Variants in TRHDE observed in about 807,000 individuals in gnomAD.
TRHDE encodes the protein thyrotropin releasing hormone degrading enzyme, also known as thyrotropin-releasing hormone-degrading ectoenzyme.
TRHDE carries 72 observed loss-of-function variants against 125.7 expected under a neutral mutation model. The ratio of observed to expected loss-of-function variants is 0.57; its 90% CI spans 0.47 to 0.70. TRHDE has a LOEUF of 0.70. Among genes scored for constraint, TRHDE ranks in the 30% least tolerant of loss-of-function variants. The probability of loss-of-function intolerance (pLI) is 0.00; values close to 1 mark genes in which losing one functional copy is unlikely to be tolerated. For synonymous variants in TRHDE, 509 were observed against 509.1 expected (o/e 1.00, Z 0.00); for missense variants, 1,110 against 1,327.1 (o/e 0.84, Z 2.54).
chr12:72,278,390 A>G lies in TRHDE; in HGVS notation c.914+4833A>G, dbSNP rs1274379383. Among the ~76,000 whole-genome samples the G allele has an allele frequency of 2.6e-5, 4 of 152,188 alleles. No individual in the cohort carries two copies. The South Asian group carries it at 8.3e-4, about 32-fold the overall frequency. On this transcript the variant is annotated intron_variant, in intron 1 of 18. Transcript: ENST00000261180. ...TCTCGGCTACTGTGAATAATGCTGC[A>G]ATAAACATGTTGCAGATATCTCCTC... is the stretch of plus-strand genomic sequence containing the variant.
At chr12:72,555,919 T>C (rs1869898774) in intron 7 of TRHDE, among the ~76,000 whole-genome samples, 1 of 152,236 alleles carries the variant, frequency 6.6e-6, no homozygotes, top group Non-Finnish European at 1.5e-5. Context: ...CAAAAGCCCC[T>C]GCTTTGGAAG....
chr12:72,502,223 A>T (rs1878186338), intron 6 of TRHDE, among the ~76,000 whole-genome samples: 1 of 151,652 alleles, frequency 6.6e-6, no homozygotes, highest in African/African-American at 2.4e-5. Flanking sequence ...TCTTTTCTCT[A>T]CTTTCCTAAG....
chr12:72,262,463 G>A lies in TRHDE; in HGVS notation n.280-115532G>A, dbSNP rs1172496921. Reference sequence around the variant, plus strand: ...AAATGTTTGGATGATTATCACATCAGCAGTTTAATTTGACTATCTTGGTAA... The same window carrying A: ...AAATGTTTGGATGATTATCACATCAACAGTTTAATTTGACTATCTTGGTAA... On this transcript the variant is annotated intron_variant and non_coding_transcript_variant, in intron 2 of 4. Transcript: ENST00000548156. The A allele has an allele frequency of 1.2e-4, 19 of 152,284 alleles. 1 individual carries two copies. The East Asian group carries it at 3.1e-3, about 25-fold the overall frequency. The allele number at this position is 152,284 out of a possible 1,614,324, so 9.4% of individuals were successfully genotyped here. A position where few individuals can be genotyped will look rare whatever the true frequency, so the allele number is the denominator to read the frequency against.
chr12:72,140,672 A>G lies in TRHDE; in HGVS notation n.279+34920A>G, dbSNP rs188426776. Among the ~76,000 whole-genome samples, 497 of 152,330 alleles carry G rather than the reference A, an allele frequency of 3.3e-3. 1 individual carries two copies. The highest frequency in any genetic ancestry group is 5.1e-3 in the Non-Finnish European group (344 of 68,030). On this transcript the variant is annotated intron_variant and non_coding_transcript_variant, in intron 2 of 4. Coordinates refer to the TRHDE transcript ENST00000548156. ...GAATATAATTATTTTTATTGTGACT[A>G]GAACAGCCATAATATGAGTGGCAGA...
chr12:72,332,240 G>A (rs1355776944), intron 2 of TRHDE, among the ~76,000 whole-genome samples: 1 of 152,052 alleles, frequency 6.6e-6, no homozygotes, highest in Non-Finnish European at 1.5e-5. Context: ...CCGGGTTCAC[G>A]CCATTCTCCA....
intron 2 of TRHDE, among the ~76,000 whole-genome samples, chr12:72,349,105 A>G (rs568887165): frequency 4.6e-5 from 7 of 152,018 alleles, no homozygotes; most frequent in Admixed American, 1.3e-4. Context: ...TTTCATTTCT[A>G]CTGTGGATTT....
At chr12:72,101,239 A>G (rs777543996) in intron 1 of TRHDE, among the ~76,000 whole-genome samples, 1 of 152,234 alleles carries the variant, frequency 6.6e-6, no homozygotes, top group Non-Finnish European at 1.5e-5. Flanking sequence ...TTACCAAAAC[A>G]GCCAATAAAT....
intron 2 of TRHDE, among the ~76,000 whole-genome samples, chr12:72,316,520 C>T (rs1405868002): frequency 6.6e-6 from 1 of 152,178 alleles, no homozygotes; most frequent in Non-Finnish European, 1.5e-5. Context: ...CCCATCATGG[C>T]ACTCTCAGGT....
chr12:72,550,349 T>C (rs183843911), intron 7 of TRHDE, among the ~76,000 whole-genome samples: 2 of 152,172 alleles, frequency 1.3e-5, no homozygotes, highest in Admixed American at 6.5e-5. Flanking sequence ...AGTAGTACAA[T>C]AAACTTGCCT....
rs372073054 is a variant in TRHDE, at chr12:72,351,718, T to C, written c.1189-26277T>C. On this transcript the variant is annotated intron_variant, in intron 2 of 18. Coordinates refer to ENST00000261180, the MANE Select transcript of TRHDE (RefSeq NM_013381.3). ...TGTCTTTCCAATTCATGCTCTAAATTAGAACCTTCTTTCCTAAAGCCCATC... is the reference window on the plus strand; with the variant it reads ...TGTCTTTCCAATTCATGCTCTAAATCAGAACCTTCTTTCCTAAAGCCCATC... Among the ~76,000 whole-genome samples, 6 of 152,018 alleles carry C rather than the reference T, an allele frequency of 3.9e-5. No homozygotes were observed. In the South Asian group the frequency reaches 1.2e-3, roughly 31 times the overall value.
At chr12:72,430,322 T>C (rs917390475) in intron 3 of TRHDE, among the ~76,000 whole-genome samples, 1 of 143,958 alleles carries the variant, frequency 6.9e-6, no homozygotes, top group Admixed American at 7.0e-5. Context: ...TATATACATG[T>C]ATACATATAT....
At chr12:72,157,342 C>A (rs1876540007) in intron 2 of TRHDE, among the ~76,000 whole-genome samples, 1 of 152,062 alleles carries the variant, frequency 6.6e-6, no homozygotes, top group African/African-American at 2.4e-5. Flanking sequence ...AGCTTTTGAG[C>A]AGAAGAGTGA....
intron 2 of TRHDE, among the ~76,000 whole-genome samples, chr12:72,367,728 A>G (rs910114046): frequency 6.6e-6 from 1 of 152,176 alleles, no homozygotes. Context: ...ATTCAGCTTT[A>G]CCGGCTGCAA....
intron 2 of TRHDE, among the ~76,000 whole-genome samples, chr12:72,175,587 G>T (rs1030984702): frequency 6.6e-6 from 1 of 152,140 alleles, no homozygotes; most frequent in Non-Finnish European, 1.5e-5. Context: ...CATCCAAAGT[G>T]TTACAGCTTC....
intron 6 of TRHDE, among the ~76,000 whole-genome samples, chr12:72,512,441 TATA>T (rs997991169): frequency 3.6e-5 from 5 of 139,380 alleles, no homozygotes; most frequent in African/African-American, 1.1e-4. Context: ...TATAATATGT[TATA>T]ATTATATAAT....
At chr12:72,142,929 T>C (rs964055552) in intron 2 of TRHDE, among the ~76,000 whole-genome samples, 4 of 151,916 alleles carry the variant, frequency 2.6e-5, no homozygotes, top group African/African-American at 9.7e-5. Flanking sequence ...CAATAAAACC[T>C]TGCATTCATC....
intron 3 of TRHDE, among the ~76,000 whole-genome samples, chr12:72,466,694 CT>C (rs1296968887): frequency 1.3e-5 from 2 of 151,978 alleles, no homozygotes; most frequent in Non-Finnish European, 2.9e-5. Flanking sequence ...ACCTTAGGGC[CT>C]TTGCATTTGT....
chr12:72,535,286 G>C (rs948937476), intron 6 of TRHDE, among the ~76,000 whole-genome samples: 2 of 152,064 alleles, frequency 1.3e-5, no homozygotes, highest in Non-Finnish European at 2.9e-5. Context: ...GTACATGACA[G>C]AACCAGGACT....
chr12:72,579,010 G>T (rs1871126632), intron 12 of TRHDE, among the ~76,000 whole-genome samples: 2 of 141,366 alleles, frequency 1.4e-5, no homozygotes, highest in South Asian at 4.3e-4. Flanking sequence ...TGAACAGAAA[G>T]TCTATTCTCT....
Sources: allele counts gnomAD v4.1 joint callset (sites outside exome capture counted in the v4.1 genomes callset), GRCh38; gene constraint gnomAD v4.1.1; transcripts MANE v1.5; gene names NCBI Gene and HGNC (gene_info 2026-07-23, HGNC 2026-07-21).